KANSL3: variants seen among roughly 807,000 people sequenced by gnomAD.
KANSL3 encodes KAT8 regulatory NSL complex subunit 3.
A neutral mutation model predicts 89.2 loss-of-function variants in KANSL3; 16 were observed. That is an observed-to-expected ratio of 0.18 (90% CI 0.12 to 0.27). The LOEUF is 0.27. Ranked by LOEUF, KANSL3 falls within the 10% of genes least tolerant of loss-of-function variation. The probability of loss-of-function intolerance (pLI) is 1.00; values close to 1 mark genes in which losing one functional copy is unlikely to be tolerated. For missense variants in KANSL3, 879 were observed against 1,110.6 expected, an observed-to-expected ratio of 0.79 and a Z score of 2.96; for synonymous variants, 385 against 419.7, an observed-to-expected ratio of 0.92 and a Z score of 1.01.
At chr2:96,601,862 C>A (rs1179242351) in intron 19 of KANSL3, 86 bp from the exon 20 acceptor site, 9 of 1,462,306 alleles carry the variant, frequency 6.2e-6, no homozygotes, top group East Asian at 4.9e-5. Flanking sequence ...GCTTCTCCCC[C>A]ACATAACACA....
At chr2:96,604,697 T>C (rs1249565303) in intron 16 of KANSL3, 82 bp downstream of exon 16, 4 of 1,245,848 alleles carry the variant, frequency 3.2e-6, no homozygotes, top group Non-Finnish European at 4.6e-6. Context: ...CCAGAATCCA[T>C]CATTTTCCAA....
At chr2:96,633,395 C>T (rs1409811066) in intron 2 of KANSL3, among the ~76,000 whole-genome samples, 1 of 152,070 alleles carries the variant, frequency 6.6e-6, no homozygotes, top group African/African-American at 2.4e-5. Context: ...CATGGTAAAA[C>T]CCCATCTCTA....
intron 8 of KANSL3, 47 bp from the exon 9 acceptor site, chr2:96,612,400 G>A: frequency 1.2e-6 from 2 of 1,602,654 alleles, no homozygotes; most frequent in African/African-American, 1.3e-5. Context: ...GCCAAAGATA[G>A]GTGCAGAACA....
At chr2:96,601,320 A>T (rs2067151057) in intron 20 of KANSL3, 1 of 985,180 alleles carries the variant, frequency 1.0e-6, no homozygotes, top group Non-Finnish European at 1.2e-6. Flanking sequence ...GCCTCTACTC[A>T]TAACCTCTGA....
intron 20 of KANSL3, chr2:96,600,821 G>A: frequency 1.0e-6 from 1 of 985,354 alleles, no homozygotes; most frequent in Non-Finnish European, 1.2e-6. Context: ...ACCTAGCTGT[G>A]CCCTAAAAAG....
At chr2:96,635,311 TCTGGCCACA>T (rs1261576798) in intron 2 of KANSL3, among the ~76,000 whole-genome samples, 5 of 152,328 alleles carry the variant, frequency 3.3e-5, no homozygotes, top group South Asian at 4.1e-4. Flanking sequence ...GCTATTATAT[TCTGGCCACA>T]CTGGCCTAAA....
At chr2:96,589,341 G>A (rs1053960800), downstream of KANSL3, among the ~76,000 whole-genome samples, 1 of 151,962 alleles carries the variant, frequency 6.6e-6, no homozygotes, top group African/African-American at 2.4e-5. Flanking sequence ...ACATAGGTAG[G>A]GTGAAAACAA....
intron 17 of KANSL3, 71 bp downstream of exon 17, chr2:96,604,179 C>A: frequency 6.7e-7 from 1 of 1,503,426 alleles, no homozygotes; most frequent in Non-Finnish European, 8.8e-7. Context: ...GGGATGCTTT[C>A]CCAGGACCAC....
intron 5 of KANSL3, 134 bp from the exon 6 acceptor site, chr2:96,613,753 G>T: frequency 1.5e-6 from 1 of 689,104 alleles, no homozygotes; most frequent in Middle Eastern, 3.7e-4. Context: ...AACCTCCTAA[G>T]GATCAAGAAT....
chr2:96,613,801 T>C (rs935918754), intron 5 of KANSL3, among the ~76,000 whole-genome samples, 182 bp from the exon 6 acceptor site: 1 of 152,024 alleles, frequency 6.6e-6, no homozygotes, highest in Non-Finnish European at 1.5e-5. Context: ...GCTCCCACCA[T>C]GAAAAGTGAA....
intron 17 of KANSL3, 117 bp downstream of exon 17, chr2:96,604,133 T>C (rs1030515827): frequency 8.2e-7 from 1 of 1,221,464 alleles, no homozygotes; most frequent in Non-Finnish European, 1.1e-6. Context: ...ATGATCACTC[T>C]AAGACCCAGA....
intron 18 of KANSL3, 133 bp from the exon 19 acceptor site, chr2:96,602,471 C>A (rs1264060247): frequency 2.9e-6 from 2 of 691,262 alleles, no homozygotes; most frequent in Non-Finnish European, 5.0e-6. Context: ...CTCTTCCAGG[C>A]ATTTTGCATA....
At chr2:96,616,489 T>A (rs962812767) in intron 5 of KANSL3, among the ~76,000 whole-genome samples, 1 of 152,210 alleles carries the variant, frequency 6.6e-6, no homozygotes, top group South Asian at 2.1e-4. Context: ...CTCTTTATCA[T>A]AATGGATCTA....
the KANSL3 span, among the ~76,000 whole-genome samples, chr2:96,580,545 T>C: frequency 3.3e-5 from 5 of 152,048 alleles, no homozygotes; most frequent in Non-Finnish European, 7.4e-5. Flanking sequence ...CAACCTATGG[T>C]GGTAGAAGTC....
Position 96,636,169 on chromosome 2 carries a change from G to A in KANSL3, c.215+752C>T, listed in dbSNP as rs181392068. Among the ~76,000 whole-genome samples the A allele has an allele frequency of 1.3e-4, 20 of 152,166 alleles. No homozygotes were observed. The East Asian group carries it at 3.7e-3, about 28-fold the overall frequency. ...CATTAGGTCAGATTAAAAACAAACA[G>A]ACAAAACTCTTCTCCAAAAGTTTAC... On this transcript the variant is annotated intron_variant, in intron 2 of 20. Coordinates refer to ENST00000431828, the MANE Select transcript of KANSL3 (RefSeq NM_001115016.3).
rs577144171 is a variant in KANSL3, at chr2:96,610,709, T to G, written c.1319+17A>C. 3 of 1,613,364 alleles carry G rather than the reference T, an allele frequency of 1.9e-6. No individual in the cohort carries two copies. In the African/African-American group the frequency reaches 4.0e-5, roughly 22 times the overall value. ...CTGTAACACAGCTCTCTTGCAGCTCTGGGAGAATCCACCCACCTGAGATTG... is the reference window on the plus strand; with the variant it reads ...CTGTAACACAGCTCTCTTGCAGCTCGGGGAGAATCCACCCACCTGAGATTG... On this transcript the variant is annotated intron_variant, in intron 11 of 20. Coordinates refer to ENST00000431828, the MANE Select transcript of KANSL3 (RefSeq NM_001115016.3).
chr2:96,595,524 C>G lies in KANSL3; in HGVS notation c.*87G>C. On this transcript the variant is annotated 3_prime_UTR_variant, in exon 21 of 21. Coordinates refer to ENST00000431828, the MANE Select transcript of KANSL3 (RefSeq NM_001115016.3). Reference sequence around the variant, plus strand: ...TTAAACAGGTCTTCCGACACGTGGACAGCTCAGCAGGACCACACACCTGTC... The same window carrying G: ...TTAAACAGGTCTTCCGACACGTGGAGAGCTCAGCAGGACCACACACCTGTC... 2 of 1,449,748 alleles carry G rather than the reference C, an allele frequency of 1.4e-6. No homozygotes were observed. Among genetic ancestry groups the G allele is most frequent in the South Asian group, 2.4e-5 (2 of 83,826 alleles). 89.8% of individuals were successfully genotyped at this position (1,449,748 alleles called of 1,614,324 possible).
the KANSL3 span, among the ~76,000 whole-genome samples, chr2:96,582,668 T>C: frequency 6.6e-6 from 1 of 152,252 alleles, no homozygotes; most frequent in Non-Finnish European, 1.5e-5. Context: ...CAGTCTCAAT[T>C]GATTGCCTTT....
chr2:96,598,093 GA>G, intron 20 of KANSL3: 1 of 985,364 alleles, frequency 1.0e-6, no homozygotes, highest in African/African-American at 1.7e-5. Context: ...AACACAGGAG[GA>G]AGGGATCACG....
Sources: allele counts gnomAD v4.1 joint callset (sites outside exome capture counted in the v4.1 genomes callset), GRCh38; gene constraint gnomAD v4.1.1; transcripts MANE v1.5; gene names NCBI Gene and HGNC (gene_info 2026-07-23, HGNC 2026-07-21).